The following TENT2 variants were observed in gnomAD, a reference collection of about 807,000 sequenced individuals.
The protein encoded by TENT2 is poly(A) RNA polymerase GLD2.
A neutral mutation model predicts 72.2 loss-of-function variants in TENT2; 44 were observed. That is an observed-to-expected ratio of 0.61 (90% CI 0.48 to 0.78). The LOEUF is 0.78. TENT2 is among the 30% of genes least tolerant of loss of function. The probability of loss-of-function intolerance (pLI) is 0.00; values close to 1 mark genes in which losing one functional copy is unlikely to be tolerated. For synonymous variants in TENT2, 212 were observed against 192.5 expected (o/e 1.10, Z -0.84); for missense variants, 541 against 569.6 (o/e 0.95, Z 0.51).
intron 11 of TENT2, among the ~76,000 whole-genome samples, chr5:79,667,739 TTTA>T (rs1809472554): frequency 6.6e-6 from 1 of 152,102 alleles, no homozygotes; most frequent in Non-Finnish European, 1.5e-5. Flanking sequence ...CTCCTTTGTT[TTTA>T]TTCATATTTT....
intron 8 of TENT2, among the ~76,000 whole-genome samples, chr5:79,645,830 A>C (rs1788413330): frequency 7.0e-6 from 1 of 143,428 alleles, no homozygotes; most frequent in Admixed American, 7.0e-5. Context: ...ATTAATACTG[A>C]AATTGTGCCC....
intron 4 of TENT2, 94 bp downstream of exon 4, chr5:79,623,583 C>A: frequency 2.3e-6 from 2 of 862,348 alleles, no homozygotes; most frequent in Non-Finnish European, 3.4e-6. Flanking sequence ...TTAAGTAGAA[C>A]GTGCCTTTTT....
intron 7 of TENT2, 92 bp downstream of exon 7, chr5:79,643,002 C>T: frequency 6.7e-7 from 1 of 1,498,978 alleles, no homozygotes; most frequent in South Asian, 1.3e-5. Flanking sequence ...ACTGTTTATT[C>T]TGGTCAGGAT....
chr5:79,636,096 A>AT (rs1219218637), intron 4 of TENT2, among the ~76,000 whole-genome samples: 2 of 170 alleles, frequency 0.012, no homozygotes, highest in African/African-American at 0.024. Context: ...TAGTTCGCCA[A>AT]CCCTGCTCTA....
intron 4 of TENT2, among the ~76,000 whole-genome samples, chr5:79,628,218 CTCTGTTTACT>C (rs1424038982): frequency 6.6e-6 from 1 of 152,164 alleles, no homozygotes; most frequent in Non-Finnish European, 1.5e-5. Flanking sequence ...TTTGGTTTAC[CTCTGTTTACT>C]TCTGTAGAGT....
chr5:79,623,178 A>T, intron 3 of TENT2, 74 bp from the exon 4 acceptor site: 1 of 975,722 alleles, frequency 1.0e-6, no homozygotes, highest in Non-Finnish European at 1.5e-6. Flanking sequence ...TGATATTTAT[A>T]TATATTTAAT....
At position 79,613,043 on chromosome 5, in the gene TENT2, G is replaced by C. The variant is rs1371772200; in HGVS notation, c.-70G>C. The C allele has an allele frequency of 6.6e-6, 1 of 152,184 alleles. No homozygotes were observed. The highest frequency in any genetic ancestry group is 1.5e-5 in the Non-Finnish European group (1 of 68,048). The allele number at this position is 152,184 out of a possible 1,614,324, so 9.4% of individuals were successfully genotyped here. On this transcript the variant is annotated 5_prime_UTR_variant, in exon 1 of 15. Transcript: ENST00000453514. ...AGAGGAAGATAGTCTTGGGACCCTT[G>C]CATGGTGTTTCAAAGGGTGGTGAAG...
At chr5:79,662,052 A>G (rs965251597) in intron 11 of TENT2, among the ~76,000 whole-genome samples, 1 of 152,178 alleles carries the variant, frequency 6.6e-6, no homozygotes, top group African/African-American at 2.4e-5. Flanking sequence ...CAGTACTGGT[A>G]TTTTGTTGTC....
At chr5:79,630,817 G>GTT (rs34597540) in intron 4 of TENT2, among the ~76,000 whole-genome samples, 15,801 of 138,910 alleles carry the variant, frequency 0.11, 1,024 homozygotes, top group East Asian at 0.29. Flanking sequence ...ACCTATTCAG[G>GTT]TTTTTTTTTT....
At position 79,620,109 on chromosome 5, in the gene TENT2, A is replaced by G. The variant is rs756851377; in HGVS notation, c.227+26A>G. 19 of 1,494,292 alleles carry G rather than the reference A, an allele frequency of 1.3e-5. No homozygotes were observed. The East Asian group carries it at 4.4e-4, about 35-fold the overall frequency. The allele number at this position is 1,494,292 out of a possible 1,614,324, so 92.6% of individuals were successfully genotyped here. A position where few individuals can be genotyped will look rare whatever the true frequency, so the allele number is the denominator to read the frequency against. On this transcript the variant is annotated intron_variant, in intron 3 of 14. Coordinates refer to ENST00000453514, the MANE Select transcript of TENT2 (RefSeq NM_001114394.3). ...GTAAGTACTTCTTAATTATTTTAAA[A>G]GAATATTTTTGCATTTCTGAGAACT...
chr5:79,664,344 C>G (rs1429175406), intron 11 of TENT2, among the ~76,000 whole-genome samples: 1 of 152,158 alleles, frequency 6.6e-6, no homozygotes, highest in Non-Finnish European at 1.5e-5. Flanking sequence ...TGCCTGTAAT[C>G]CCAGCACTTT....
chr5:79,670,415 C>A (rs1456888341), intron 12 of TENT2, among the ~76,000 whole-genome samples: 1 of 151,512 alleles, frequency 6.6e-6, no homozygotes. Context: ...ACCTCTGCCT[C>A]CCTGGTTCAA....
At chr5:79,636,614 T>G (rs1285603481) in intron 4 of TENT2, among the ~76,000 whole-genome samples, 1 of 152,204 alleles carries the variant, frequency 6.6e-6, no homozygotes, top group African/African-American at 2.4e-5. Context: ...TTGATTTCTT[T>G]TTCATTTCTT....
intron 10 of TENT2, among the ~76,000 whole-genome samples, chr5:79,649,717 T>G (rs1792166610): frequency 6.6e-6 from 1 of 152,100 alleles, no homozygotes; most frequent in Admixed American, 6.6e-5. Context: ...AAGCTATACT[T>G]TTGTCGCATG....
chr5:79,676,003 A>G (rs545023918), intron 12 of TENT2, among the ~76,000 whole-genome samples: 2 of 152,254 alleles, frequency 1.3e-5, no homozygotes, highest in East Asian at 1.9e-4. Flanking sequence ...ACAGAACTCT[A>G]GGATTAGAGT....
intron 4 of TENT2, among the ~76,000 whole-genome samples, chr5:79,633,343 T>C (rs1777112858): frequency 6.6e-6 from 1 of 151,858 alleles, no homozygotes; most frequent in East Asian, 1.9e-4. Context: ...TTTTGAAAGC[T>C]CATTGCTGAT....
At chr5:79,619,833 C>A in intron 2 of TENT2, 48 bp downstream of exon 2, 1 of 1,579,748 alleles carries the variant, frequency 6.3e-7, no homozygotes, top group Non-Finnish European at 8.6e-7. Context: ...ATTTCATTTT[C>A]TATTTGACAT....
chr5:79,671,044 T>C (rs1176421897), intron 12 of TENT2, among the ~76,000 whole-genome samples: 1 of 152,110 alleles, frequency 6.6e-6, no homozygotes, highest in Non-Finnish European at 1.5e-5. Context: ...ATAACTTTTT[T>C]CCCATGTATA....
intron 4 of TENT2, among the ~76,000 whole-genome samples, chr5:79,640,217 C>G (rs926129905): frequency 6.7e-6 from 1 of 149,924 alleles, no homozygotes; most frequent in Non-Finnish European, 1.5e-5. Flanking sequence ...GATCGCACCA[C>G]TGCATTCCAG....
Sources: gnomAD v4.1 joint callset for allele counts (sites outside exome capture counted in the v4.1 genomes callset) on GRCh38, gnomAD v4.1.1 for gene constraint, MANE v1.5 for transcripts, NCBI Gene and HGNC (gene_info 2026-07-23, HGNC 2026-07-21) for gene names.